CLTC: variants seen among roughly 807,000 people sequenced by gnomAD.
The protein encoded by CLTC is clathrin heavy chain 1.
A neutral mutation model predicts 195.8 loss-of-function variants in CLTC; 16 were observed. The observed-to-expected ratio is 0.08, with a 90% confidence interval of 0.06 to 0.12. The LOEUF (loss-of-function observed/expected upper bound fraction) is 0.12. CLTC is among the 10% of genes least tolerant of loss of function. The probability of loss-of-function intolerance (pLI) is 1.00; values close to 1 mark genes in which losing one functional copy is unlikely to be tolerated. For missense variants in CLTC, 796 were observed against 2,027.0 expected (o/e 0.39, Z 11.66); for synonymous variants, 667 against 689.4 (o/e 0.97, Z 0.51).
chr17:59,627,968 G>A (rs967332581), intron 1 of CLTC, among the ~76,000 whole-genome samples: 7 of 152,210 alleles, frequency 4.6e-5, no homozygotes, highest in Non-Finnish European at 1.0e-4. Flanking sequence ...GAAAGGGATA[G>A]GAAATGAAGG....
At chr17:59,624,798 C>T (rs1283983558) in intron 1 of CLTC, among the ~76,000 whole-genome samples, 4 of 151,614 alleles carry the variant, frequency 2.6e-5, no homozygotes, top group African/African-American at 7.3e-5. Context: ...AGTTTTCTAG[C>T]AGCCATATTA....
At chr17:59,637,570 A>T (rs1379344503) in intron 1 of CLTC, among the ~76,000 whole-genome samples, 15 of 142,154 alleles carry the variant, frequency 1.1e-4, no homozygotes, top group East Asian at 4.3e-4. Flanking sequence ...AAAAAAAAAA[A>T]TTTTTTTTTT....
chr17:59,685,849 C>A lies in CLTC; in HGVS notation c.4827+41C>A, dbSNP rs1340649329. 2.1e-6 allele frequency: 3 copies of A among 1,420,920 alleles called. No homozygotes were observed. The highest frequency in any genetic ancestry group is 1.3e-5 in the South Asian group (1 of 74,802). The allele number at this position is 1,420,920 out of a possible 1,614,324, so 88.0% of individuals were successfully genotyped here. On this transcript the variant is annotated intron_variant, in intron 30 of 31. Coordinates refer to ENST00000269122, the MANE Select transcript of CLTC (RefSeq NM_004859.4). This position sits in a 1 kb window ranked among gnomAD's most constrained non-coding sequence, Gnocchi z 5.0. ...AGTGTATTCAGAACTAGTTTCCTTGCATGTAAAATTCTACATGCACATTAA... is the reference window on the plus strand; with the variant it reads ...AGTGTATTCAGAACTAGTTTCCTTGAATGTAAAATTCTACATGCACATTAA...
chr17:59,664,053 A>T, intron 9 of CLTC, 59 bp downstream of exon 9: 1 of 1,422,148 alleles, frequency 7.0e-7, no homozygotes. Flanking sequence ...CAGAGAAATT[A>T]GCCTGTATTA....
intron 1 of CLTC, among the ~76,000 whole-genome samples, chr17:59,621,035 G>C (rs2031360324): frequency 6.6e-6 from 1 of 152,210 alleles, no homozygotes; most frequent in South Asian, 2.1e-4. Flanking sequence ...GAATTGAACA[G>C]AGCCCTGGGG....
In CLTC at chr17:59,683,278, AAC is replaced by A; in HGVS notation, c.4041+20_4041+21del. 6.2e-7 allele frequency: 1 copy of A among 1,612,218 alleles called. No homozygotes were observed. Among genetic ancestry groups the A allele is most frequent in the South Asian group, 1.1e-5 (1 of 91,010 alleles). Reference sequence around the variant, plus strand: ...TATTCCCAAGGTAACCAGTCATTGTAACACAGTGAAGCAACTGTGTAGTTAAA... The same window carrying A: ...TATTCCCAAGGTAACCAGTCATTGTAACAGTGAAGCAACTGTGTAGTTAAA... On this transcript the variant is annotated intron_variant, in intron 25 of 31. Coordinates refer to ENST00000269122, the MANE Select transcript of CLTC (RefSeq NM_004859.4). The surrounding 1 kb of genome is among the most constrained non-coding windows in gnomAD (Gnocchi z 6.1).
chr17:59,674,124 T>TA (rs1219681159), intron 15 of CLTC, among the ~76,000 whole-genome samples: 5 of 151,540 alleles, frequency 3.3e-5, no homozygotes, highest in Non-Finnish European at 7.4e-5. Context: ...CGTGCTTCCC[T>TA]AGCAAGCCGA....
intron 15 of CLTC, 36 bp downstream of exon 15, chr17:59,673,808 T>C (rs1302962501): frequency 2.1e-6 from 2 of 969,696 alleles, no homozygotes; most frequent in Non-Finnish European, 3.2e-6. Context: ...GGTATAATCT[T>C]ACTATAGATT....
chr17:59,683,811 G>T lies in CLTC; in HGVS notation c.4323+55G>T, dbSNP rs565286702. 1 of 1,612,018 alleles carries T rather than the reference G, an allele frequency of 6.2e-7. No individual in the cohort carries two copies. Among genetic ancestry groups the T allele is most frequent in the African/African-American group, 1.3e-5 (1 of 74,830 alleles). ...ATAGCAAGGAATTAGGACATACTTCGATAACTTTTGTCCCTGGGACTTCAA... is the reference window on the plus strand; with the variant it reads ...ATAGCAAGGAATTAGGACATACTTCTATAACTTTTGTCCCTGGGACTTCAA... On this transcript the variant is annotated intron_variant, in intron 27 of 31. Transcript: ENST00000269122. The surrounding 1 kb of genome is among the most constrained non-coding windows in gnomAD (Gnocchi z 6.1).
Position 59,682,383 on chromosome 17 carries a change from G to C in CLTC, c.3555G>C (p.Glu1185Asp), listed in dbSNP as rs2033098216. ...TGGCTAAAACAAACCGCCTTGCAGA[G>C]TTAGAAGAATTTATCAATGGACCAA... ...FALAKTNRLA[E>D]LEEFINGPNN... is the part of the protein sequence containing the mutation. The change falls in exon 22 of 32, where the codon GAG becomes GAC. Residue 1185 changes from glutamate to aspartate, a missense_variant. Around this residue, in one of 9 missense-constraint regions of CLTC, gnomAD observed 102 missense variants for 317.6 expected, o/e 0.32. Transcript: ENST00000269122. This position sits in a 1 kb window ranked among gnomAD's most constrained non-coding sequence, Gnocchi z 6.8. 2 of 1,614,034 alleles carry C rather than the reference G, an allele frequency of 1.2e-6. No homozygotes were observed. The highest frequency in any genetic ancestry group is 2.7e-5 in the African/African-American group (2 of 74,940).
intron 1 of CLTC, among the ~76,000 whole-genome samples, chr17:59,637,536 G>A (rs1208122209): frequency 7.1e-6 from 1 of 141,412 alleles, no homozygotes; most frequent in Non-Finnish European, 1.5e-5. Context: ...GAGCCACCGT[G>A]CCCAGCCTGA....
chr17:59,655,753 T>G, intron 5 of CLTC, 101 bp from the exon 6 acceptor site: 2 of 938,146 alleles, frequency 2.1e-6, no homozygotes, highest in Middle Eastern at 3.2e-4. Flanking sequence ...AACCCTCTTG[T>G]TCTGGAATTT....
intron 1 of CLTC, among the ~76,000 whole-genome samples, chr17:59,643,790 A>T (rs191015322): frequency 6.6e-6 from 1 of 152,362 alleles, no homozygotes; most frequent in East Asian, 1.9e-4. Context: ...TTTGCACAGA[A>T]TTAGAACTTG....
chr17:59,693,666 T>C, intron 31 of CLTC, 62 bp from the exon 32 acceptor site: 3 of 1,543,662 alleles, frequency 1.9e-6, no homozygotes, highest in Non-Finnish European at 2.6e-6. Context: ...TTCTAAATGC[T>C]AACAGTTTGT....
In CLTC at chr17:59,681,358, T is replaced by C; in HGVS notation, c.3129T>C (p.Tyr1043=). 6.2e-7 allele frequency: 1 copy of C among 1,614,134 alleles called. No individual in the cohort carries two copies. The highest frequency in any genetic ancestry group is 8.5e-7 in the Non-Finnish European group (1 of 1,179,972). The part of the protein sequence containing the change: ...IKADRTRVME[Y]INRLDNYDAP... Reference sequence around the variant, plus strand: ...CTGACCGTACACGTGTTATGGAGTATATTAACCGCCTGGATAATTATGATG... The same window carrying C: ...CTGACCGTACACGTGTTATGGAGTACATTAACCGCCTGGATAATTATGATG... The change falls in exon 20 of 32, where the codon TAT becomes TAC. Residue 1043 remains tyrosine, a synonymous_variant. Coordinates refer to ENST00000269122, the MANE Select transcript of CLTC (RefSeq NM_004859.4). The surrounding 1 kb of genome is among the most constrained non-coding windows in gnomAD (Gnocchi z 5.0).
In CLTC at chr17:59,677,112, A is replaced by G. The variant is rs2143580811; in HGVS notation, c.2720A>G (p.Lys907Arg). ...NPYYDSRVVG[K>R]YCEKRDPHLA... The stretch of plus-strand genomic sequence containing the variant: ...TACTATGACAGTCGCGTTGTTGGAA[A>G]GTATTGTGAGAAGAGAGATCCACAT... The change falls in exon 17 of 32, where the codon AAG becomes AGG. Residue 907 changes from lysine (K) to arginine (R), a missense_variant. This residue lies in a region of CLTC where 160 missense variants were observed against 448.2 expected (regional missense o/e 0.36). Coordinates refer to ENST00000269122, the MANE Select transcript of CLTC (RefSeq NM_004859.4). 3.7e-6 allele frequency: 6 copies of G among 1,614,048 alleles called. No individual in the cohort carries two copies. Among genetic ancestry groups the G allele is most frequent in the Non-Finnish European group, 4.2e-6 (5 of 1,179,976 alleles).
At position 59,677,961 on chromosome 17, in the gene CLTC, C is replaced by A. The variant is rs1165579627; in HGVS notation, c.2796+773C>A. On this transcript the variant is annotated intron_variant, in intron 17 of 31. Transcript: ENST00000269122. ...AAGTTTTCATCACTTCAAAAGGAAA[C>A]CCTGTATTAATTAAACAGTTCCTCC... Among the ~76,000 whole-genome samples, 4 of 152,126 alleles carry A rather than the reference C, an allele frequency of 2.6e-5. No individual in the cohort carries two copies. In the South Asian group the frequency reaches 8.3e-4, roughly 32 times the overall value.
At chr17:59,630,099 C>G (rs2031667232) in intron 1 of CLTC, among the ~76,000 whole-genome samples, 1 of 152,124 alleles carries the variant, frequency 6.6e-6, no homozygotes, top group South Asian at 2.1e-4. Flanking sequence ...TTCCCAGGCT[C>G]CAGCCATCCT....
Position 59,651,199 on chromosome 17 carries a change from A to C in CLTC, c.682-4A>C, listed in dbSNP as rs551373904. On this transcript the variant is annotated splice_polypyrimidine_tract_variant and splice_region_variant and intron_variant, in intron 4 of 31. Transcript: ENST00000269122. ...TATATACATTTTGATTTTCTTTTGA[A>C]CAGTTACATATTATTGAAGTTGGCA... 1 of 1,576,842 alleles carries C rather than the reference A, an allele frequency of 6.3e-7. No homozygotes were observed. Among genetic ancestry groups the C allele is most frequent in the African/African-American group, 1.3e-5 (1 of 74,192 alleles).
Sources: gnomAD v4.1 joint callset for allele counts (sites outside exome capture counted in the v4.1 genomes callset) on GRCh38, gnomAD v4.1.1 for gene constraint, gnomAD v4.1.1 regional missense constraint, Gnocchi (gnomAD v3.1) non-coding constraint, MANE v1.5 for transcripts, NCBI Gene and HGNC (gene_info 2026-07-23, HGNC 2026-07-21) for gene names.